The following FAM169A variants were observed in gnomAD, a reference collection of about 807,000 sequenced individuals.
The protein encoded by FAM169A is soluble lamin-associated protein of 75 kDa.
A neutral mutation model predicts 75.7 loss-of-function variants in FAM169A; 24 were observed. That is an observed-to-expected ratio of 0.32 (90% confidence interval 0.23 to 0.45). The LOEUF (loss-of-function observed/expected upper bound fraction) is 0.45, where lower values mean the gene tolerates loss of function less well. Among genes scored for constraint, FAM169A ranks in the 20% least tolerant of loss-of-function variants. The pLI, the probability that FAM169A is intolerant of heterozygous loss-of-function variation, is 1.00. For missense variants in FAM169A, 673 were observed against 784.0 expected (o/e 0.86, Z 1.69); for synonymous variants, 271 against 271.0 (o/e 1.00, Z 0.00).
chr5:74,866,603 C>G (rs1420550355), upstream of FAM169A: 5 of 643,442 alleles, frequency 7.8e-6, no homozygotes, highest in East Asian at 6.8e-4. Context: ...CCCCTCTCTC[C>G]GCCCCGGCCG....
intron 1 of FAM169A, among the ~76,000 whole-genome samples, chr5:74,855,531 T>C (rs995658099): frequency 6.6e-6 from 1 of 152,148 alleles, no homozygotes; most frequent in Non-Finnish European, 1.5e-5. Context: ...CTGCTGATGA[T>C]CAATGATGTT....
chr5:74,838,895 T>G, intron 4 of FAM169A, 70 bp downstream of exon 4: 1 of 1,043,658 alleles, frequency 9.6e-7, no homozygotes, highest in Non-Finnish European at 1.5e-6. Flanking sequence ...GCTCAAAAAC[T>G]ATCACTGTTT....
At chr5:74,839,734 G>C (rs997664579) in intron 3 of FAM169A, among the ~76,000 whole-genome samples, 2 of 151,936 alleles carry the variant, frequency 1.3e-5, no homozygotes, top group Non-Finnish European at 2.9e-5. Context: ...ATGTTGGTCA[G>C]GCTGGTCTCA....
intron 5 of FAM169A, among the ~76,000 whole-genome samples, chr5:74,829,211 A>G (rs552864538): frequency 1.5e-4 from 23 of 152,310 alleles, no homozygotes; most frequent in African/African-American, 5.5e-4. Context: ...TTTTGCAGGT[A>G]AGTTTTTGTT....
intron 5 of FAM169A, among the ~76,000 whole-genome samples, chr5:74,829,995 G>A (rs1221315410): frequency 2.0e-5 from 3 of 151,906 alleles, no homozygotes; most frequent in Admixed American, 6.6e-5. Context: ...GAAATATGGG[G>A]AATAAAATAC....
At chr5:74,841,499 AAACTG>A (rs1748860335) in intron 2 of FAM169A, 41 bp downstream of exon 2, 4 of 1,448,018 alleles carry the variant, frequency 2.8e-6, no homozygotes, top group Non-Finnish European at 3.7e-6. Context: ...TTTCATGTAT[AAACTG>A]AACTGAAAAG....
intron 2 of FAM169A, among the ~76,000 whole-genome samples, chr5:74,840,720 T>C (rs1748818524): frequency 6.6e-6 from 1 of 151,452 alleles, no homozygotes; most frequent in Non-Finnish European, 1.5e-5. Context: ...TCCTAGCTAC[T>C]CGGGAGGCTA....
chr5:74,841,767 C>T (rs1469861723), intron 1 of FAM169A, 88 bp from the exon 2 acceptor site: 5 of 1,166,886 alleles, frequency 4.3e-6, no homozygotes, highest in Non-Finnish European at 5.9e-6. Context: ...TACAATGTTG[C>T]CATATTTTGT....
At chr5:74,864,756 T>A (rs1443267910) in intron 1 of FAM169A, among the ~76,000 whole-genome samples, 1 of 152,176 alleles carries the variant, frequency 6.6e-6, no homozygotes, top group Non-Finnish European at 1.5e-5. Flanking sequence ...AGCTACAAGA[T>A]TTCTGTGAAA....
intron 5 of FAM169A, among the ~76,000 whole-genome samples, chr5:74,814,969 C>T (rs1277491241): frequency 6.6e-6 from 1 of 152,004 alleles, no homozygotes; most frequent in Non-Finnish European, 1.5e-5. Context: ...AAACAAGAAA[C>T]AAAATGTCAA....
At chr5:74,846,626 A>T (rs904482417) in intron 1 of FAM169A, among the ~76,000 whole-genome samples, 36 of 152,258 alleles carry the variant, frequency 2.4e-4, no homozygotes, top group Admixed American at 2.6e-4. Flanking sequence ...ATCCAAAGTC[A>T]TAACACAGAA....
chr5:74,842,225 A>C (rs1049926103), intron 1 of FAM169A, among the ~76,000 whole-genome samples: 1 of 151,816 alleles, frequency 6.6e-6, no homozygotes, highest in African/African-American at 2.4e-5. Flanking sequence ...GTTCAAGACC[A>C]GCCTGGCCAA....
intron 5 of FAM169A, among the ~76,000 whole-genome samples, chr5:74,832,053 G>A (rs897902958): frequency 6.6e-6 from 1 of 152,044 alleles, no homozygotes; most frequent in Non-Finnish European, 1.5e-5. Flanking sequence ...ACTATTTTCT[G>A]AAGCTTTCCT....
chr5:74,842,780 G>T (rs995627953), intron 1 of FAM169A, among the ~76,000 whole-genome samples: 1 of 151,852 alleles, frequency 6.6e-6, no homozygotes, highest in Non-Finnish European at 1.5e-5. Flanking sequence ...TAACACTAAA[G>T]ATTAGAAAAA....
At chr5:74,825,603 T>C (rs1747981006) in intron 5 of FAM169A, among the ~76,000 whole-genome samples, 1 of 152,182 alleles carries the variant, frequency 6.6e-6, no homozygotes, top group Admixed American at 6.5e-5. Flanking sequence ...AAAAGGGGTA[T>C]ATAAAAGGTA....
intron 4 of FAM169A, among the ~76,000 whole-genome samples, chr5:74,836,466 G>A (rs781263587): frequency 4.6e-5 from 7 of 152,098 alleles, no homozygotes; most frequent in East Asian, 1.9e-4. Context: ...AGGACCTCCC[G>A]TCCATATAAT....
chr5:74,852,476 T>C (rs1749493365), intron 1 of FAM169A, among the ~76,000 whole-genome samples: 1 of 152,050 alleles, frequency 6.6e-6, no homozygotes, highest in Non-Finnish European at 1.5e-5. Context: ...ACTAAATAAA[T>C]GAATGACTGA....
At chr5:74,792,574 G>A (rs1746035576) in intron 11 of FAM169A, among the ~76,000 whole-genome samples, 1 of 152,046 alleles carries the variant, frequency 6.6e-6, no homozygotes, top group Non-Finnish European at 1.5e-5. Context: ...GCCTACTGTG[G>A]GACTCTGTGA....
chr5:74,822,453 C>CTGCT (rs1656407408), intron 5 of FAM169A, among the ~76,000 whole-genome samples: 1 of 152,194 alleles, frequency 6.6e-6, no homozygotes, highest in Non-Finnish European at 1.5e-5. Context: ...GCAGCCTCAG[C>CTGCT]TAACTTTCCT....
Sources: gnomAD v4.1 joint callset for allele counts (sites outside exome capture counted in the v4.1 genomes callset) on GRCh38, gnomAD v4.1.1 for gene constraint, MANE v1.5 for transcripts, NCBI Gene and HGNC (gene_info 2026-07-23, HGNC 2026-07-21) for gene names.